CCDC187: variants seen among roughly 807,000 people sequenced by gnomAD.
The protein encoded by CCDC187 is coiled-coil domain-containing protein 187.
CCDC187 carries 32 observed loss-of-function variants against 38.0 expected under a neutral mutation model. The ratio of observed to expected loss-of-function variants is 0.84; its 90% CI spans 0.64 to 1.13. CCDC187 has a LOEUF of 1.13. Among genes scored for constraint, CCDC187 ranks in the 50% most tolerant of loss-of-function variants. CCDC187 has a pLI of 0.00. For missense variants in CCDC187, 707 were observed against 786.8 expected (o/e 0.90, Z 1.21); for synonymous variants, 333 against 347.9 (o/e 0.96, Z 0.48).
At chr9:136,293,887 C>G (rs1337045577) in intron 4 of CCDC187, among the ~76,000 whole-genome samples, 6 of 152,016 alleles carry the variant, frequency 3.9e-5, no homozygotes, top group Admixed American at 3.3e-4. Flanking sequence ...CTCACACGCT[C>G]ACACACAACC....
At chr9:136,267,307 C>CG (rs1435112343) in intron 16 of CCDC187, 77 bp downstream of exon 16, 1 of 797,568 alleles carries the variant, frequency 1.3e-6, no homozygotes, top group Admixed American at 3.2e-4. Context: ...AGGGAGGGGG[C>CG]GGGGCTACAG....
At chr9:136,284,015 C>G (rs918468150) in intron 9 of CCDC187, among the ~76,000 whole-genome samples, 1 of 152,128 alleles carries the variant, frequency 6.6e-6, no homozygotes, top group Non-Finnish European at 1.5e-5. Context: ...GCACCAAGCC[C>G]GCCATCCCCT....
chr9:136,265,850 T>C, intron 17 of CCDC187, 106 bp downstream of exon 17: 1 of 537,138 alleles, frequency 1.9e-6, no homozygotes, highest in Non-Finnish European at 2.4e-6. Flanking sequence ...GGCTTGGGAA[T>C]TCTTTAGCTC....
chr9:136,285,666 C>G (rs978720599), intron 8 of CCDC187, 60 bp from the exon 9 acceptor site: 6 of 399,254 alleles, frequency 1.5e-5, no homozygotes, highest in Non-Finnish European at 2.6e-5. Context: ...GGACGGGGGA[C>G]CCAAGCCATC....
rs1169584728 is a variant in CCDC187 at position 136,265,976 on chromosome 9, T to C, written c.3715A>G (p.Ser1239Gly). The C allele has an allele frequency of 1.0e-6, 1 of 985,416 alleles. No homozygotes were observed. The highest frequency in any genetic ancestry group is 1.2e-6 in the Non-Finnish European group (1 of 829,988). The allele number at this position is 985,416 out of a possible 1,614,324, so 61.0% of individuals were successfully genotyped here. The change falls in exon 17 of 26, where the codon AGC (serine) becomes GGC (glycine). Residue 1239 changes from serine (S) to glycine (G), a missense_variant. Coordinates refer to ENST00000638797, the MANE Select transcript of CCDC187 (RefSeq NM_001378188.1). ...CCCACCTGCTCCTTCTCCAATCTGC[T>C]GAGGGCTTGCTGCTGCTTCTCAACC... is the stretch of plus-strand genomic sequence containing the variant. The part of the protein sequence containing the change: ...ALVEKQQQAL[S>G]RLEKEQREIQ...
Position 136,250,691 on chromosome 9 carries a change from T to TCAGGTGGGC in CCDC187, c.*2894_*2902dup, listed in dbSNP as rs1554759181. 2.2e-6 allele frequency: 1 copy of TCAGGTGGGC among 454,906 alleles called. No homozygotes were observed. The highest frequency in any genetic ancestry group is 2.4e-5 in the Admixed American group (1 of 42,468). The allele number at this position is 454,906 out of a possible 1,614,324, so 28.2% of individuals were successfully genotyped here. On this transcript the variant is annotated 3_prime_UTR_variant, in exon 26 of 26. Coordinates refer to ENST00000638797, the MANE Select transcript of CCDC187 (RefSeq NM_001378188.1). Reference sequence around the variant, plus strand: ...CCACTGGATCCAAACATCTGCATTCTCAGGTGGGCTGGGCAGGAGCTGGTG... The same window carrying TCAGGTGGGC: ...CCACTGGATCCAAACATCTGCATTCTCAGGTGGGCCAGGTGGGCTGGGCAGGAGCTGGTG...
In CCDC187 at chr9:136,263,656, G is replaced by A. The variant is rs62579910; in HGVS notation, c.3878C>T (p.Ala1293Val). 134,740 of 985,356 alleles carry A rather than the reference G, an allele frequency of 0.14. 9,509 individuals carry two copies. The highest frequency in any genetic ancestry group is 0.21 in the Admixed American group (3,435 of 16,284). 61.0% of individuals were successfully genotyped at this position (985,356 alleles called of 1,614,324 possible). A position where few individuals can be genotyped will look rare whatever the true frequency, so the allele number is the denominator to read the frequency against. ...PIPGPTDVVP[A>V]HELQAQAKLQ... is the part of the protein sequence containing the mutation. ...CTTGGCCTGGGCCTGCAGCTCGTGC[G>A]CTGGGACGACGTCCGTGGGCCCCGG... Residue 1293 changes from alanine (A) to valine (V), a missense_variant, in exon 18 of 26, where the codon GCG becomes GTG. Ala to Val is a moderately conservative substitution (Grantham distance 64, BLOSUM62 0). Transcript: ENST00000638797.
intron 9 of CCDC187, among the ~76,000 whole-genome samples, chr9:136,283,224 C>G (rs1020808722): frequency 6.6e-6 from 1 of 152,072 alleles, no homozygotes; most frequent in East Asian, 1.9e-4. Flanking sequence ...ACTCCAGCCT[C>G]GGCGACAGAG....
chr9:136,293,453 T>TCA (rs1246784095), intron 4 of CCDC187, among the ~76,000 whole-genome samples: 8,249 of 102,468 alleles, frequency 0.081, 684 homozygotes, highest in South Asian at 0.14. Flanking sequence ...TCACACATGC[T>TCA]CACACTCACA....
At chr9:136,289,097 TTC>T (rs1415072510) in intron 7 of CCDC187, among the ~76,000 whole-genome samples, 1 of 152,196 alleles carries the variant, frequency 6.6e-6, no homozygotes, top group Non-Finnish European at 1.5e-5. Flanking sequence ...CTCAATGAAG[TTC>T]TGACTCAAGC....
Position 136,291,437 on chromosome 9 carries a change from G to A in CCDC187, c.1176C>T (p.Arg392=), listed in dbSNP as rs1204344613. The A allele has an allele frequency of 5.0e-6, 2 of 398,730 alleles. No homozygotes were observed. Among genetic ancestry groups the A allele is most frequent in the Middle Eastern group, 6.2e-4 (1 of 1,616 alleles). The allele number at this position is 398,730 out of a possible 1,614,324, so 24.7% of individuals were successfully genotyped here. The change falls in exon 6 of 26, where the codon CGC becomes CGT. Residue 392 remains arginine, a synonymous_variant. Transcript: ENST00000638797. ...IQAGLELAQA[R]KGGQELGPSK... The stretch of plus-strand genomic sequence containing the variant: ...ATGGCCCGAGCTCTTGCCCTCCCTT[G>A]CGGGCCTGGGCCAGCTCCAGCCCAG...
chr9:136,286,190 G>C lies in CCDC187; in HGVS notation c.2728C>G (p.Leu910Val). 1 of 398,616 alleles carries C rather than the reference G, an allele frequency of 2.5e-6. No individual in the cohort carries two copies. 24.7% of individuals were successfully genotyped at this position (398,616 alleles called of 1,614,324 possible). ...EWVSMQPQPL[L>V]PPTYFLDGET... ...CCGTCCAGGAAGTAGGTCGGGGGCA[G>C]AAGGGGCTGGGGCTGCATGCTCACC... The change falls in exon 8 of 26, where the codon CTG becomes GTG. Residue 910 changes from leucine to valine, a missense_variant. Coordinates refer to ENST00000638797, the MANE Select transcript of CCDC187 (RefSeq NM_001378188.1).
Position 136,291,050 on chromosome 9 carries a change from AG to A in CCDC187, c.1562del (p.Pro521LeufsTer15). The A allele has an allele frequency of 5.0e-6, 2 of 398,554 alleles. No individual in the cohort carries two copies. The highest frequency in any genetic ancestry group is 3.6e-5 in the East Asian group (1 of 28,036). The allele number at this position is 398,554 out of a possible 1,614,324, so 24.7% of individuals were successfully genotyped here. On this transcript the variant is annotated frameshift_variant, in exon 6 of 26. Coordinates refer to ENST00000638797, the MANE Select transcript of CCDC187 (RefSeq NM_001378188.1). LOFTEE classifies it high-confidence loss of function. The stretch of plus-strand genomic sequence containing the variant: ...GCTGGGGGAAGGGGCTCCGCTTTTC[AG>A]GGGGGCTCCCAGGCCTCTGGGAGGA... ...GPSSQRPGSP[P>X]EKRSPFPQQP...
Position 136,252,306 on chromosome 9 carries a change from G to A in CCDC187, c.*1288C>T, listed in dbSNP as rs868990688. ...CACCTGGTCCACCCTGGGAAGAGCCGGCCGCCCACCCAGTCCACCCTGGGA... is the reference window on the plus strand; with the variant it reads ...CACCTGGTCCACCCTGGGAAGAGCCAGCCGCCCACCCAGTCCACCCTGGGA... On this transcript the variant is annotated 3_prime_UTR_variant, in exon 26 of 26. Coordinates refer to ENST00000638797, the MANE Select transcript of CCDC187 (RefSeq NM_001378188.1). 6 of 92,758 alleles carry A rather than the reference G, an allele frequency of 6.5e-5. No individual in the cohort carries two copies. In the South Asian group the frequency reaches 8.8e-4, roughly 14 times the overall value. 5.7% of individuals were successfully genotyped at this position (92,758 alleles called of 1,614,324 possible).
At position 136,264,459 on chromosome 9, in the gene CCDC187, T is replaced by C. The variant is rs1830721289; in HGVS notation, c.3736-661A>G. The stretch of plus-strand genomic sequence containing the variant: ...GTTCTGCCAGGCCCCGTCGTTGCCA[T>C]GTGACATGCAGACCCCTTCTAAGCC... On this transcript the variant is annotated intron_variant, in intron 17 of 25. Coordinates refer to ENST00000638797, the MANE Select transcript of CCDC187 (RefSeq NM_001378188.1). The surrounding 1 kb of genome is among the most constrained non-coding windows in gnomAD (Gnocchi z 4.3). Among the ~76,000 whole-genome samples the C allele has an allele frequency of 6.6e-6, 1 of 152,156 alleles. No homozygotes were observed. Among genetic ancestry groups the C allele is most frequent in the South Asian group, 2.1e-4 (1 of 4,826 alleles).
At chr9:136,297,177 G>A (rs1393297077) in intron 4 of CCDC187, among the ~76,000 whole-genome samples, 1 of 152,078 alleles carries the variant, frequency 6.6e-6, no homozygotes, top group Non-Finnish European at 1.5e-5. Context: ...TGAGCTGTGG[G>A]TGGCGTAGGC....
rs1445092658 is a variant in CCDC187, at chr9:136,256,314, C to T, written c.4513G>A (p.Glu1505Lys). 1 of 985,450 alleles carries T rather than the reference C, an allele frequency of 1.0e-6. No homozygotes were observed. The highest frequency in any genetic ancestry group is 1.2e-6 in the Non-Finnish European group (1 of 829,910). The allele number at this position is 985,450 out of a possible 1,614,324, so 61.0% of individuals were successfully genotyped here. The change falls in exon 24 of 26, where the codon GAG (glutamate) becomes AAG (lysine). Residue 1505 changes from glutamate (E) to lysine (K), a missense_variant. Physicochemically the swap from Glu to Lys is moderately conservative, Grantham distance 56. Coordinates refer to ENST00000638797, the MANE Select transcript of CCDC187 (RefSeq NM_001378188.1). ...AAGCCCTCTTCGCTCATGCTGTCCT[C>T]AGCCACCTGCTGGAGAGACGTTGCA... ...CGPQEASQVAEDSMSEEGLES... is the reference protein window; with the variant it reads ...CGPQEASQVAKDSMSEEGLES...
At chr9:136,287,451 C>T (rs1258768371) in intron 7 of CCDC187, among the ~76,000 whole-genome samples, 3 of 152,326 alleles carry the variant, frequency 2.0e-5, no homozygotes, top group South Asian at 2.1e-4. Context: ...GACAATGAGA[C>T]GCCAGAGTCC....
intron 14 of CCDC187, among the ~76,000 whole-genome samples, chr9:136,270,869 C>G (rs1830828860): frequency 6.6e-6 from 1 of 152,216 alleles, no homozygotes; most frequent in South Asian, 2.1e-4. Flanking sequence ...AGACCTGATG[C>G]TATACCCACC....
Sources: allele counts gnomAD v4.1 joint callset (sites outside exome capture counted in the v4.1 genomes callset), GRCh38; gene constraint gnomAD v4.1.1; non-coding constraint Gnocchi (gnomAD v3.1); transcripts MANE v1.5; gene names NCBI Gene and HGNC (gene_info 2026-07-23, HGNC 2026-07-21).